The following CGREF1 variants were observed in gnomAD, a reference collection of about 807,000 sequenced individuals.
The protein encoded by CGREF1 is cell growth regulator with EF-hand domain 1, also known as cell growth regulator with EF hand domain protein 1.
In CGREF1, 16 loss-of-function variants were observed where a neutral mutation model predicts 17.4. The ratio of observed to expected loss-of-function variants is 0.92; its 90% CI spans 0.62 to 1.40. The LOEUF (loss-of-function observed/expected upper bound fraction) is 1.40. Ranked by LOEUF, CGREF1 falls within the 40% of genes most tolerant of loss-of-function variation. The probability of loss-of-function intolerance (pLI) is 0.00; values close to 1 mark genes in which losing one functional copy is unlikely to be tolerated. For synonymous variants in CGREF1, 142 were observed against 154.6 expected (o/e 0.92, Z 0.61); for missense variants, 296 against 376.4 (o/e 0.79, Z 1.77).
chr2:27,107,316 G>T (rs1671159609), intron 1 of CGREF1, among the ~76,000 whole-genome samples: 2 of 151,952 alleles, frequency 1.3e-5, no homozygotes, highest in Admixed American at 6.6e-5. Context: ...GTGCCGTGGT[G>T]CAATCTCAGC....
downstream of CGREF1, chr2:27,099,761 CGG>C (rs1558454090): frequency 7.4e-6 from 12 of 1,613,070 alleles, no homozygotes; most frequent in East Asian, 2.5e-4. Flanking sequence ...GAGCAGGTGC[CGG>C]CTCCTCACAC....
At chr2:27,117,610 T>C (rs1250904783) in intron 1 of CGREF1, among the ~76,000 whole-genome samples, 1 of 152,150 alleles carries the variant, frequency 6.6e-6, no homozygotes, top group Non-Finnish European at 1.5e-5. Flanking sequence ...GAGAGCACGC[T>C]CTACAGGTTA....
intron 1 of CGREF1, among the ~76,000 whole-genome samples, chr2:27,115,864 G>A (rs989029912): frequency 6.6e-6 from 1 of 152,138 alleles, no homozygotes; most frequent in Non-Finnish European, 1.5e-5. Context: ...CCTCAATCTG[G>A]AATGTCCTGG....
chr2:27,118,519 G>T (rs901859481), intron 1 of CGREF1, among the ~76,000 whole-genome samples: 5 of 152,162 alleles, frequency 3.3e-5, no homozygotes, highest in African/African-American at 1.2e-4. Context: ...CCCGTCGGAT[G>T]AGGGGGAAAG....
intron 1 of CGREF1, among the ~76,000 whole-genome samples, chr2:27,108,885 C>A (rs1187541924): frequency 1.3e-5 from 2 of 151,722 alleles, no homozygotes; most frequent in Admixed American, 1.3e-4. Flanking sequence ...ATGATCATAG[C>A]AATTCTCCCA....
At chr2:27,107,139 A>G (rs1222886977) in intron 1 of CGREF1, among the ~76,000 whole-genome samples, 1 of 152,256 alleles carries the variant, frequency 6.6e-6, no homozygotes, top group Non-Finnish European at 1.5e-5. Context: ...ATAAACATAC[A>G]AAGAAATAAG....
At position 27,100,992 on chromosome 2, in the gene CGREF1, G is replaced by A. The variant is rs1558456235; in HGVS notation, c.*282C>T. 4.9e-6 allele frequency: 6 copies of A among 1,232,536 alleles called. No individual in the cohort carries two copies. Among genetic ancestry groups the A allele is most frequent in the Non-Finnish European group, 6.1e-6 (6 of 986,408 alleles). The allele number at this position is 1,232,536 out of a possible 1,614,324, so 76.3% of individuals were successfully genotyped here. A position where few individuals can be genotyped will look rare whatever the true frequency, so the allele number is the denominator to read the frequency against. On this transcript the variant is annotated 3_prime_UTR_variant, in exon 6 of 6. Transcript: ENST00000402394. ...CGTGAGGCCCAGAAACACTGGGCAG[G>A]CGGCATCCCTGTCCTTTCGGTCCCC...
In CGREF1 at chr2:27,102,603, A is replaced by AG. The variant is rs753692896; in HGVS notation, c.81-13dup. ...CTTCAGAGTCTGGCCTGGAGGAGGA[A>AG]GGGGAGGACCAGCCTTGCAGAGAGC... On this transcript the variant is annotated splice_polypyrimidine_tract_variant and intron_variant, in intron 2 of 5. Transcript: ENST00000402394. 2.5e-6 allele frequency: 4 copies of AG among 1,609,126 alleles called. No homozygotes were observed. The African/African-American group carries it at 4.0e-5, about 16-fold the overall frequency.
At chr2:27,111,097 A>G (rs6547431) in intron 1 of CGREF1, 148,779 of 152,428 alleles carry the variant, frequency 0.98, 72,704 homozygotes, top group East Asian at 1. Context: ...ACCTGAACAG[A>G]TTGCCACTAC....
chr2:27,100,877 G>A lies in CGREF1; in HGVS notation c.*397C>T, dbSNP rs1297093942. ...CACCAGGTGAGGGGGAACCGGTGAG[G>A]GTTTGGGGCCCAGGGATAGACTGAG... On this transcript the variant is annotated 3_prime_UTR_variant, in exon 6 of 6. Coordinates refer to ENST00000402394, the MANE Select transcript of CGREF1 (RefSeq NM_006569.6). 9.2e-6 allele frequency: 10 copies of A among 1,092,436 alleles called. No individual in the cohort carries two copies. Among genetic ancestry groups the A allele is most frequent in the Non-Finnish European group, 1.1e-5 (10 of 895,956 alleles). 67.7% of individuals were successfully genotyped at this position (1,092,436 alleles called of 1,614,324 possible).
chr2:27,116,266 C>T (rs1671562065), intron 1 of CGREF1, among the ~76,000 whole-genome samples: 1 of 150,110 alleles, frequency 6.7e-6, no homozygotes, highest in African/African-American at 2.5e-5. Flanking sequence ...GTGGCTTACA[C>T]CTGTAATCCC....
In CGREF1 at chr2:27,101,818, T is replaced by TCA. The variant is rs755986344; in HGVS notation, c.411_412dup (p.Glu138ValfsTer9). ...GGCTACTCCCGGGAAGTTGATGAGC[T>TCA]CAGCAGGGGTCATGAGCCCATCCCC... On this transcript the variant is annotated frameshift_variant, in exon 6 of 6. Transcript: ENST00000402394. LOFTEE classifies it low-confidence loss of function (END_TRUNC). The TCA allele has an allele frequency of 2.5e-6, 4 of 1,614,028 alleles. No individual in the cohort carries two copies. The highest frequency in any genetic ancestry group is 1.3e-5 in the African/African-American group (1 of 74,904).
chr2:27,107,947 A>AAAAAAG (rs560388861), intron 1 of CGREF1, among the ~76,000 whole-genome samples: 9 of 148,296 alleles, frequency 6.1e-5, no homozygotes, highest in African/African-American at 2.3e-4. Flanking sequence ...AAAAAAAAAA[A>AAAAAAG]AAAGAAAGAA....
chr2:27,109,578 T>C (rs1172318494), intron 1 of CGREF1, among the ~76,000 whole-genome samples: 2 of 152,058 alleles, frequency 1.3e-5, no homozygotes, highest in African/African-American at 4.8e-5. Context: ...GACATATTGA[T>C]GAACTTTGTT....
At position 27,101,414 on chromosome 2, in the gene CGREF1, TGG is replaced by T; in HGVS notation, c.815_816del (p.Pro272GlnfsTer28). 72 of 1,565,848 alleles carry T rather than the reference TGG, an allele frequency of 4.6e-5. No individual in the cohort carries two copies. The highest frequency in any genetic ancestry group is 1.4e-4 in the South Asian group (12 of 85,410). ...QAEAEGDAPGPRGEAGGQAEA... is the reference protein window; with the variant it reads ...QAEAEGDAPGXRGEAGGQAEA... ...TCTGCCTGGCCCCCAGCTTCCCCTC[TGG>T]GCCCGGGGGCATCTCCTTCAGCCTC... On this transcript the variant is annotated frameshift_variant, in exon 6 of 6. Coordinates refer to ENST00000402394, the MANE Select transcript of CGREF1 (RefSeq NM_006569.6). LOFTEE classifies it low-confidence loss of function (END_TRUNC).
In CGREF1 at chr2:27,119,114, AGTGTGCGC is replaced by A. The variant is rs1263623981; in HGVS notation, c.-288_-281del. ...CGGAGGGGCTGCGCGCGCCCGTGTG[AGTGTGCGC>A]GTGTGTGCGTGCGTGAGTGCGCATG... On this transcript the variant is annotated 5_prime_UTR_variant, in exon 1 of 6. Coordinates refer to ENST00000402394, the MANE Select transcript of CGREF1 (RefSeq NM_006569.6). The surrounding 1 kb of genome is among the most constrained non-coding windows in gnomAD (Gnocchi z 5.6). The A allele has an allele frequency of 1.3e-5, 2 of 152,126 alleles. No homozygotes were observed. The highest frequency in any genetic ancestry group is 2.4e-5 in the African/African-American group (1 of 41,378). 9.4% of individuals were successfully genotyped at this position (152,126 alleles called of 1,614,324 possible). A position where few individuals can be genotyped will look rare whatever the true frequency, so the allele number is the denominator to read the frequency against.
At chr2:27,110,092 T>C (rs1671302591) in intron 1 of CGREF1, among the ~76,000 whole-genome samples, 1 of 152,042 alleles carries the variant, frequency 6.6e-6, no homozygotes, top group Non-Finnish European at 1.5e-5. Context: ...GGTGTGTGGC[T>C]AATGCCTGTA....
chr2:27,116,432 CACGA>C, intron 1 of CGREF1, among the ~76,000 whole-genome samples: 1 of 151,708 alleles, frequency 6.6e-6, no homozygotes. Context: ...GAGGCTGAGA[CACGA>C]GAATTGCTTG....
downstream of CGREF1, chr2:27,100,011 C>G (rs1340649816): frequency 2.8e-6 from 2 of 711,364 alleles, no homozygotes; most frequent in East Asian, 5.4e-5. Context: ...CTGGGCATTC[C>G]TGAGGCTCTG....
Sources: allele counts gnomAD v4.1 joint callset (sites outside exome capture counted in the v4.1 genomes callset), GRCh38; gene constraint gnomAD v4.1.1; non-coding constraint Gnocchi (gnomAD v3.1); transcripts MANE v1.5; gene names NCBI Gene and HGNC (gene_info 2026-07-23, HGNC 2026-07-21).